The following TMPRSS2 variants were observed in gnomAD, a reference collection of about 807,000 sequenced individuals.
TMPRSS2 encodes the protein transmembrane protease serine 2.
Under a neutral mutation model 67.4 loss-of-function variants are expected in TMPRSS2, and 59 were observed. That is an observed-to-expected ratio of 0.88 (90% CI 0.71 to 1.09). The LOEUF (loss-of-function observed/expected upper bound fraction) is 1.09, where lower values mean the gene tolerates loss of function less well. Ranked by LOEUF, TMPRSS2 falls within the 50% of genes least tolerant of loss-of-function variation. The pLI is 0.00. For synonymous variants in TMPRSS2, 257 were observed against 257.0 expected, an observed-to-expected ratio of 1.00 and a Z score of 0.00; for missense variants, 668 against 642.7, an observed-to-expected ratio of 1.04 and a Z score of -0.43.
chr21:41,483,111 A>C (rs1360783141), intron 5 of TMPRSS2, among the ~76,000 whole-genome samples: 1 of 152,196 alleles, frequency 6.6e-6, no homozygotes, highest in African/African-American at 2.4e-5. Context: ...TAATGTATGC[A>C]TCAGGTTCAT....
chr21:41,489,410 G>A, intron 4 of TMPRSS2, 97 bp downstream of exon 4: 1 of 912,828 alleles, frequency 1.1e-6, no homozygotes, highest in Admixed American at 2.4e-5. Flanking sequence ...CCTCACGGAG[G>A]GCCTCCAGAG....
chr21:41,466,941 C>A (rs975766391), intron 13 of TMPRSS2, among the ~76,000 whole-genome samples: 2 of 152,118 alleles, frequency 1.3e-5, no homozygotes, highest in Non-Finnish European at 2.9e-5. Context: ...TCACATGGAA[C>A]CCCTGAGACC....
intron 11 of TMPRSS2, among the ~76,000 whole-genome samples, chr21:41,469,257 G>A (rs1404799878): frequency 2.0e-5 from 3 of 152,010 alleles, no homozygotes; most frequent in African/African-American, 4.8e-5. Context: ...CAACCCATCA[G>A]TAAGTCTGGT....
chr21:41,498,326 T>A lies in TMPRSS2; in HGVS notation c.-56-137A>T, dbSNP rs1249196392. 1.5e-5 allele frequency: 9 copies of A among 604,158 alleles called. No homozygotes were observed. The Admixed American group carries it at 2.5e-4, about 17-fold the overall frequency. The allele number at this position is 604,158 out of a possible 1,614,324, so 37.4% of individuals were successfully genotyped here. On this transcript the variant is annotated intron_variant, in intron 1 of 13. Coordinates refer to ENST00000332149, the MANE Select transcript of TMPRSS2 (RefSeq NM_005656.4). ...CAGTGTTGCCTGCTGACCTTTGGCC[T>A]GCATCTTCACCACTGCTTCCCCACA...
At chr21:41,467,180 G>A (rs1393598156) in intron 13 of TMPRSS2, among the ~76,000 whole-genome samples, 1 of 152,214 alleles carries the variant, frequency 6.6e-6, no homozygotes, top group Non-Finnish European at 1.5e-5. Flanking sequence ...CCTGAGGTCA[G>A]GGCTTCGAGA....
intron 1 of TMPRSS2, among the ~76,000 whole-genome samples, chr21:41,498,634 T>G (rs1350571900): frequency 2.0e-5 from 3 of 152,210 alleles, no homozygotes; most frequent in Admixed American, 6.5e-5. Context: ...GAAGCTGTGA[T>G]ATCCCCTATA....
intron 2 of TMPRSS2, chr21:41,494,856 G>T: frequency 2.3e-6 from 1 of 432,640 alleles, no homozygotes; most frequent in Non-Finnish European, 4.3e-6. Context: ...GGATCATGAG[G>T]TCAGGAGATC....
chr21:41,500,165 G>A (rs1028326523), intron 1 of TMPRSS2, among the ~76,000 whole-genome samples: 4 of 152,222 alleles, frequency 2.6e-5, no homozygotes. Context: ...CCTGGAGGAA[G>A]CTATTGAAGG....
At chr21:41,506,880 T>A (rs1038830805) in intron 1 of TMPRSS2, among the ~76,000 whole-genome samples, 1 of 152,236 alleles carries the variant, frequency 6.6e-6, no homozygotes, top group African/African-American at 2.4e-5. Context: ...TTGGGCGCGA[T>A]GCGCTCATCT....
intron 13 of TMPRSS2, among the ~76,000 whole-genome samples, chr21:41,466,959 G>A (rs1030195704): frequency 3.3e-5 from 5 of 152,128 alleles, no homozygotes; most frequent in Admixed American, 1.3e-4. Flanking sequence ...ACCTTCCCTC[G>A]TGCTTGAGTC....
At position 41,473,491 on chromosome 21, in the gene TMPRSS2, C is replaced by T. The variant is rs1051913801; in HGVS notation, c.733G>A (p.Gly245Arg). Reference sequence around the variant, plus strand: ...TGGCGGCTTGAGTTCAAGTTGACCCCGCAGGCTGAGGATGACAAACAGGAG... The same window carrying T: ...TGGCGGCTTGAGTTCAAGTTGACCCTGCAGGCTGAGGATGACAAACAGGAG... ...AVVSLRCIAC[G>R]VNLNSSRQSR... Residue 245 changes from glycine to arginine, a missense_variant, in exon 9 of 14, where the codon GGG (glycine) becomes AGG (arginine). Gly to Arg is a moderately radical substitution (Grantham distance 125). Coordinates refer to ENST00000332149, the MANE Select transcript of TMPRSS2 (RefSeq NM_005656.4). 6.8e-6 allele frequency: 11 copies of T among 1,606,600 alleles called. No homozygotes were observed. Among genetic ancestry groups the T allele is most frequent in the Non-Finnish European group, 9.3e-6 (11 of 1,176,604 alleles).
intron 3 of TMPRSS2, among the ~76,000 whole-genome samples, chr21:41,490,097 G>A (rs923617587): frequency 4.1e-5 from 6 of 145,712 alleles, no homozygotes; most frequent in African/African-American, 1.3e-4. Context: ...GCAGTGAGCC[G>A]AGATCACACC....
chr21:41,466,256 TAAGC>T, intron 13 of TMPRSS2, 103 bp from the exon 14 acceptor site: 1 of 1,127,226 alleles, frequency 8.9e-7, no homozygotes, highest in Admixed American at 2.0e-5. Context: ...AGAAACCAAA[TAAGC>T]AAGCTTAATA....
intron 5 of TMPRSS2, among the ~76,000 whole-genome samples, chr21:41,481,834 G>A (rs531418415): frequency 2.2e-4 from 34 of 152,182 alleles, no homozygotes; most frequent in Admixed American, 3.3e-4. Flanking sequence ...AGGCCAAGGC[G>A]GGCAGATCAC....
At position 41,478,482 on chromosome 21, in the gene TMPRSS2, T is replaced by C. The variant is rs1346485325; in HGVS notation, c.683+690A>G. ...AGAAAACACATAACAGCAACAATCA[T>C]AGCAAGTCTGCAAACATCCTAAATA... On this transcript the variant is annotated intron_variant, in intron 7 of 13. Coordinates refer to ENST00000332149, the MANE Select transcript of TMPRSS2 (RefSeq NM_005656.4). This position sits in a 1 kb window ranked among gnomAD's most constrained non-coding sequence, Gnocchi z 4.0. 2.6e-5 allele frequency among the ~76,000 whole-genome samples: 4 copies of C among 152,162 alleles called. No individual in the cohort carries two copies. Among genetic ancestry groups the C allele is most frequent in the Non-Finnish European group, 4.4e-5 (3 of 68,040 alleles).
At position 41,494,458 on chromosome 21, in the gene TMPRSS2, G is replaced by A. The variant is rs749752988; in HGVS notation, c.136C>T (p.Pro46Ser). The change falls in exon 3 of 14, where the codon CCG (proline) becomes TCG (serine). Residue 46 changes from proline (P) to serine (S), a missense_variant. Physicochemically the swap from Pro to Ser is moderately conservative, Grantham distance 74. Transcript: ENST00000332149. ...GGGGCGTACTGGGGCACGGGGGACG[G>A]GTAGTACTGAGCCGGATGCACCTCG... is the stretch of plus-strand genomic sequence containing the variant. ...VYEVHPAQYY[P>S]SPVPQYAPRV... 6.2e-7 allele frequency: 1 copy of A among 1,614,030 alleles called. No individual in the cohort carries two copies. The highest frequency in any genetic ancestry group is 8.5e-7 in the Non-Finnish European group (1 of 1,179,976).
At position 41,468,386 on chromosome 21, in the gene TMPRSS2, G is replaced by T. The variant is rs771701847; in HGVS notation, c.1314+10C>A. 1.4e-5 allele frequency: 22 copies of T among 1,614,064 alleles called. No homozygotes were observed. In the South Asian group the frequency reaches 2.4e-4, roughly 18 times the overall value. On this transcript the variant is annotated intron_variant, in intron 12 of 13. Transcript: ENST00000332149. ...TAAGGACCAAAGGTAGAATAAAAAT[G>T]TTGAATTACCTGGCAAGAATCGACG...
intron 4 of TMPRSS2, 98 bp from the exon 5 acceptor site, chr21:41,488,611 G>A (rs2091314499): frequency 7.5e-7 from 1 of 1,326,704 alleles, no homozygotes; most frequent in South Asian, 1.3e-5. Flanking sequence ...GCTCGCTGCA[G>A]CCTCCAACTC....
intron 1 of TMPRSS2, among the ~76,000 whole-genome samples, chr21:41,505,903 C>T (rs1466072982): frequency 6.6e-6 from 1 of 152,224 alleles, no homozygotes; most frequent in Admixed American, 6.5e-5. Context: ...TGGAGCCAGA[C>T]AGGCCATGTT....
Sources: allele counts gnomAD v4.1 joint callset (sites outside exome capture counted in the v4.1 genomes callset), GRCh38; gene constraint gnomAD v4.1.1; non-coding constraint Gnocchi (gnomAD v3.1); transcripts MANE v1.5; gene names NCBI Gene and HGNC (gene_info 2026-07-23, HGNC 2026-07-21).